Variants in ITPA observed in about 807,000 individuals in gnomAD.
The protein encoded by ITPA is inosine triphosphate pyrophosphatase.
Under a neutral mutation model 29.6 loss-of-function variants are expected in ITPA, and 29 were observed. That is an observed-to-expected ratio of 0.98 (90% CI 0.73 to 1.34). The LOEUF is 1.34. Ranked by LOEUF, ITPA falls within the 40% of genes most tolerant of loss-of-function variation. The pLI, the probability that ITPA is intolerant of heterozygous loss-of-function variation, is 0.00. For synonymous variants in ITPA, 103 were observed against 99.3 expected (o/e 1.04, Z -0.22); for missense variants, 241 against 251.5 (o/e 0.96, Z 0.28).
intron 3 of ITPA, 31 bp from the exon 4 acceptor site, chr20:3,213,954 G>A (rs1568510897): frequency 6.2e-7 from 1 of 1,612,354 alleles, no homozygotes; most frequent in Non-Finnish European, 8.5e-7. Context: ...GGTGATCATG[G>A]GTCTCAGGGC....
chr20:3,214,363 CTTTTTT>C (rs57982806), intron 4 of ITPA, among the ~76,000 whole-genome samples: 16 of 112,936 alleles, frequency 1.4e-4, no homozygotes, highest in African/African-American at 4.2e-4. Context: ...TTCTTCCTTT[CTTTTTT>C]TTTTTTTTTT....
chr20:3,206,386 T>A (rs1600481435), upstream of ITPA, among the ~76,000 whole-genome samples: 12 of 37,942 alleles, frequency 3.2e-4, no homozygotes, highest in East Asian at 1.0e-3. Flanking sequence ...AGACTCAGTC[T>A]CAAAAAAAAA....
At chr20:3,212,831 C>T (rs6084303) in intron 1 of ITPA, among the ~76,000 whole-genome samples, 17,859 of 152,116 alleles carry the variant, frequency 0.12, 1,332 homozygotes, top group Non-Finnish European at 0.16. Context: ...AATCCATGTT[C>T]ATAGGCCTTC....
intron 7 of ITPA, among the ~76,000 whole-genome samples, chr20:3,223,094 C>G (rs777538342): frequency 2.0e-5 from 3 of 152,232 alleles, no homozygotes; most frequent in African/African-American, 7.2e-5. Flanking sequence ...CTCATCCCCC[C>G]CTGTCCCCAG....
At chr20:3,218,941 A>G (rs991328692) in intron 6 of ITPA, 3 of 443,024 alleles carry the variant, frequency 6.8e-6, no homozygotes, top group Non-Finnish European at 1.3e-5. Flanking sequence ...GTTTCAGGGA[A>G]ACAGTTGGCT....
At chr20:3,206,981 T>C (rs1232886834), upstream of ITPA, among the ~76,000 whole-genome samples, 2 of 151,998 alleles carry the variant, frequency 1.3e-5, no homozygotes, top group African/African-American at 2.4e-5. Flanking sequence ...ACCACTGTAC[T>C]TCAGCCTGGG....
upstream of ITPA, among the ~76,000 whole-genome samples, chr20:3,206,695 G>A (rs956026572): frequency 2.3e-4 from 35 of 152,004 alleles, no homozygotes; most frequent in African/African-American, 8.0e-4. Context: ...GCCAGGCGTG[G>A]TGGTGGGCGC....
chr20:3,222,043 C>T (rs529377521), intron 7 of ITPA, 126 bp downstream of exon 7: 1 of 873,076 alleles, frequency 1.1e-6, no homozygotes, highest in East Asian at 2.6e-5. Context: ...GGTGCTGTTC[C>T]AGCCACAGGC....
rs764863870 is a variant in ITPA, at chr20:3,209,503, T to C, written c.-49T>C. On this transcript the variant is annotated 5_prime_UTR_variant, in exon 1 of 8. Coordinates refer to ENST00000380113, the MANE Select transcript of ITPA (RefSeq NM_033453.4). The surrounding 1 kb of genome is among the most constrained non-coding windows in gnomAD (Gnocchi z 4.6). ...CCACCAGCCGGAAGTTTTCTGTCAC[T>C]GGACGCCAAGGAGTTTTCGGTGGCT... 2 of 1,564,988 alleles carry C rather than the reference T, an allele frequency of 1.3e-6. No individual in the cohort carries two copies. The highest frequency in any genetic ancestry group is 2.2e-5 in the East Asian group (1 of 44,578).
upstream of ITPA, chr20:3,204,580 G>T: frequency 6.3e-7 from 1 of 1,580,330 alleles, no homozygotes. Context: ...AGAGGATAAA[G>T]CCGACTAGCA....
At chr20:3,219,013 AT>A in intron 6 of ITPA, 1 of 231,644 alleles carries the variant, frequency 4.3e-6, no homozygotes, top group South Asian at 6.0e-5. Context: ...TCCCAAAGCT[AT>A]TTTTTTCTGT....
chr20:3,211,492 T>TTTTGTTTTGTTTG (rs1555773135), intron 1 of ITPA, among the ~76,000 whole-genome samples: 5 of 150,214 alleles, frequency 3.3e-5, no homozygotes, highest in African/African-American at 7.3e-5. Context: ...TTTTGTTTTG[T>TTTTGTTTTGTTTG]TTTGTTTGTT....
At chr20:3,206,808 G>A (rs907571006), upstream of ITPA, among the ~76,000 whole-genome samples, 1 of 150,830 alleles carries the variant, frequency 6.6e-6, no homozygotes, top group African/African-American at 2.4e-5. Context: ...TCCAGCCTGG[G>A]CGACAGAGTG....
chr20:3,221,743 T>C, intron 6 of ITPA, 98 bp from the exon 7 acceptor site: 1 of 1,155,350 alleles, frequency 8.7e-7, no homozygotes. Flanking sequence ...TTGGGTCAAA[T>C]CAAATTCACA....
chr20:3,224,834 C>A (rs923062884), downstream of ITPA, among the ~76,000 whole-genome samples: 2 of 152,210 alleles, frequency 1.3e-5, no homozygotes, highest in African/African-American at 4.8e-5. Context: ...CTGTTCAGCT[C>A]CTCCAGAATT....
At position 3,210,504 on chromosome 20, in the gene ITPA, CTGGATA is replaced by C. The variant is rs2067147317; in HGVS notation, c.66+890_66+895del. Among the ~76,000 whole-genome samples the C allele has an allele frequency of 3.3e-5, 5 of 152,304 alleles. No homozygotes were observed. The South Asian group carries it at 1.0e-3, about 32-fold the overall frequency. Reference sequence around the variant, plus strand: ...GTGTGGGGGATCAGGATGACACCCACTGGATATGTCTGAGGCAGACCAGTGGGGTGT... The same window carrying C: ...GTGTGGGGGATCAGGATGACACCCACTGTCTGAGGCAGACCAGTGGGGTGT... On this transcript the variant is annotated intron_variant, in intron 1 of 7. Transcript: ENST00000380113.
chr20:3,216,157 G>GTTTTTTTTTTTTT (rs71331043), intron 5 of ITPA, among the ~76,000 whole-genome samples: 1 of 109,248 alleles, frequency 9.2e-6, no homozygotes, highest in African/African-American at 3.8e-5. Context: ...CGCTGGCTAA[G>GTTTTTTTTTTTTT]TTTTTTTTTT....
At chr20:3,209,089 G>C (rs572125805), upstream of ITPA, 2 of 258,060 alleles carry the variant, frequency 7.8e-6, no homozygotes, top group African/African-American at 4.6e-5. This position sits in a 1 kb window ranked among gnomAD's most constrained non-coding sequence, Gnocchi z 4.6. Flanking sequence ...CAGTCGAGTG[G>C]ATCATAGCTG....
At chr20:3,213,259 T>C in intron 2 of ITPA, 33 bp downstream of exon 2, 1 of 1,614,172 alleles carries the variant, frequency 6.2e-7, no homozygotes, top group African/African-American at 1.3e-5. Context: ...TTTTAAAAGA[T>C]GGTTGGATTT....
Sources: gnomAD v4.1 joint callset for allele counts (sites outside exome capture counted in the v4.1 genomes callset) on GRCh38, gnomAD v4.1.1 for gene constraint, Gnocchi (gnomAD v3.1) non-coding constraint, MANE v1.5 for transcripts, NCBI Gene and HGNC (gene_info 2026-07-23, HGNC 2026-07-21) for gene names.